The following TMEM132E variants were observed in gnomAD, a reference collection of about 807,000 sequenced individuals.
The protein encoded by TMEM132E is transmembrane protein 132E.
TMEM132E carries 49 observed loss-of-function variants against 78.5 expected under a neutral mutation model. That is an observed-to-expected ratio of 0.62 (90% confidence interval 0.50 to 0.79). The LOEUF is 0.79. Ranked by LOEUF, TMEM132E falls within the 30% of genes least tolerant of loss-of-function variation. TMEM132E has a pLI of 0.00. For synonymous variants in TMEM132E, 715 were observed against 670.6 expected (o/e 1.07, Z -1.02); for missense variants, 1,403 against 1,470.9 (o/e 0.95, Z 0.75).
intron 1 of TMEM132E, among the ~76,000 whole-genome samples, chr17:34,601,097 G>T (rs932660796): frequency 6.6e-6 from 1 of 152,198 alleles, no homozygotes; most frequent in South Asian, 2.1e-4. Context: ...ATCCCAGGGG[G>T]TGCAGTTTTC....
rs974581341 is a variant in TMEM132E at position 34,611,553 on chromosome 17, G to A, written c.68-14574G>A. Reference sequence around the variant, plus strand: ...TCAATATCGTGCCAAGAGAAACCAAGTATAATAAGGCGTAGGCTTGGAGGG... The same window carrying A: ...TCAATATCGTGCCAAGAGAAACCAAATATAATAAGGCGTAGGCTTGGAGGG... On this transcript the variant is annotated intron_variant, in intron 1 of 8. Transcript: ENST00000631683. Among the ~76,000 whole-genome samples the A allele has an allele frequency of 3.9e-5, 6 of 152,220 alleles. No homozygotes were observed. In the South Asian group the frequency reaches 8.3e-4, roughly 21 times the overall value.
At chr17:34,614,728 AAGCCCCTCTTGCCTTGGGACCCCTCC>A (rs1906720181) in intron 1 of TMEM132E, 1 of 152,384 alleles carries the variant, frequency 6.6e-6, no homozygotes, top group African/African-American at 2.4e-5. Context: ...TCCAAACTCC[AAGCCCCTCTTGCCTTGGGACCCCTCC>A]AGCCCAGGGA....
rs564430970 is a variant in TMEM132E, at chr17:34,626,458, G to C, written c.399G>C (p.Ser133=). 2 of 1,612,864 alleles carry C rather than the reference G, an allele frequency of 1.2e-6. No homozygotes were observed. Among genetic ancestry groups the C allele is most frequent in the African/African-American group, 2.7e-5 (2 of 74,924 alleles). Residue 133 remains serine, a synonymous_variant, in exon 2 of 9, where the codon TCG becomes TCC. Coordinates refer to ENST00000631683, the MANE Select transcript of TMEM132E (RefSeq NM_001304438.2). ...AGGTGCGGGCCTTCATCGTCCGCTC[G>C]CACGTGCCCGCCTCGCAGCCCGTGG... The part of the protein sequence containing the change: ...NWKVRAFIVR[S]HVPASQPVVQ...
intron 1 of TMEM132E, among the ~76,000 whole-genome samples, chr17:34,583,406 A>T (rs1905562077): frequency 6.6e-6 from 1 of 152,048 alleles, no homozygotes; most frequent in Admixed American, 6.5e-5. Flanking sequence ...AACTTGGGGG[A>T]TCCCCCAGAT....
Position 34,634,885 on chromosome 17 carries a change from A to G in TMEM132E, c.1775A>G (p.His592Arg). 2 of 1,614,146 alleles carry G rather than the reference A, an allele frequency of 1.2e-6. No individual in the cohort carries two copies. The highest frequency in any genetic ancestry group is 1.3e-5 in the African/African-American group (1 of 75,052). ...ASRGCTLQYQ[H>R]ATLQVFTQFH... ...CGTGGCTGCACCCTGCAGTACCAGC[A>G]TGCCACCCTGCAGGTCTTCACCCAG... Residue 592 changes from histidine (H) to arginine (R), a missense_variant, in exon 7 of 9, where the codon CAT becomes CGT. Coordinates refer to ENST00000631683, the MANE Select transcript of TMEM132E (RefSeq NM_001304438.2).
At chr17:34,633,043 C>T in intron 6 of TMEM132E, 134 bp downstream of exon 6, 1 of 936,038 alleles carries the variant, frequency 1.1e-6, no homozygotes, top group East Asian at 2.6e-5. Flanking sequence ...AGTCAACAAG[C>T]TTTCATTGAC....
Position 34,581,068 on chromosome 17 carries a change from G to A in TMEM132E, c.-9G>A. The A allele has an allele frequency of 1.3e-6, 2 of 1,546,216 alleles. No homozygotes were observed. The highest frequency in any genetic ancestry group is 1.4e-5 in the African/African-American group (1 of 71,258). Reference sequence around the variant, plus strand: ...GCTCTCTCGGACCCCTCCCGCCCCCGCCTCGGCCATGGCCCCGGGGATGTC... The same window carrying A: ...GCTCTCTCGGACCCCTCCCGCCCCCACCTCGGCCATGGCCCCGGGGATGTC... On this transcript the variant is annotated 5_prime_UTR_variant, in exon 1 of 9. Coordinates refer to ENST00000631683, the MANE Select transcript of TMEM132E (RefSeq NM_001304438.2).
chr17:34,636,055 G>A lies in TMEM132E; in HGVS notation c.2026G>A (p.Val676Met). 6.4e-7 allele frequency: 1 copy of A among 1,573,160 alleles called. No homozygotes were observed. The highest frequency in any genetic ancestry group is 8.6e-7 in the Non-Finnish European group (1 of 1,161,572). The change falls in exon 8 of 9, where the codon GTG becomes ATG. Residue 676 changes from valine (V) to methionine (M), a missense_variant. Physicochemically the swap from Val to Met is conservative, Grantham distance 21 (BLOSUM62 1). Transcript: ENST00000631683. The part of the protein sequence containing the change: ...EAVLGETLLT[V>M]TEEKVSITQL... Reference sequence around the variant, plus strand: ...TGTGCTCGGGGAGACGCTGCTGACGGTGACTGAGGAGAAGGTCAGCATCAC... The same window carrying A: ...TGTGCTCGGGGAGACGCTGCTGACGATGACTGAGGAGAAGGTCAGCATCAC...
In TMEM132E at chr17:34,626,279, CAGCGCTCCG is replaced by C; in HGVS notation, c.224_232del (p.Arg75_Glu77del). On this transcript the variant is annotated inframe_deletion, in exon 2 of 9. Transcript: ENST00000631683. ...ACCCGCGGTCGCCAACAGCTCTCTG[CAGCGCTCCG>C]AGCCCTTCGTGGTGTTCCAGACCAA... is the stretch of plus-strand genomic sequence containing the variant. The C allele has an allele frequency of 6.2e-7, 1 of 1,608,636 alleles. No homozygotes were observed. Among genetic ancestry groups the C allele is most frequent in the Non-Finnish European group, 8.5e-7 (1 of 1,177,876 alleles).
In TMEM132E at chr17:34,637,386, C is replaced by T; in HGVS notation, c.2379C>T (p.Cys793=). 5 of 1,613,936 alleles carry T rather than the reference C, an allele frequency of 3.1e-6. No individual in the cohort carries two copies. Among genetic ancestry groups the T allele is most frequent in the Non-Finnish European group, 4.2e-6 (5 of 1,180,036 alleles). ...CAGAGCTAACCATCGCTGAGAGCTG[C>T]CAGAAAACCAAACGCAAGAGTGTGC... The part of the protein sequence containing the change: ...LRAELTIAES[C]QKTKRKSVLA... Residue 793 remains cysteine, a synonymous_variant, in exon 9 of 9, where the codon TGC becomes TGT. Coordinates refer to ENST00000631683, the MANE Select transcript of TMEM132E (RefSeq NM_001304438.2).
rs145155342 is a variant in TMEM132E at position 34,623,169 on chromosome 17, G to T, written c.68-2958G>T. Among the ~76,000 whole-genome samples, 331 of 152,258 alleles carry T rather than the reference G, an allele frequency of 2.2e-3. 9 individuals are homozygous for T. In the East Asian group the frequency reaches 0.05, roughly 23 times the overall value. Reference sequence around the variant, plus strand: ...TTTGCCAGACCAGGTCCTCCCCCAGGGGGGGTGAGGGGATCCGGGTGGGGC... The same window carrying T: ...TTTGCCAGACCAGGTCCTCCCCCAGTGGGGGTGAGGGGATCCGGGTGGGGC... On this transcript the variant is annotated intron_variant, in intron 1 of 8. Transcript: ENST00000631683.
In TMEM132E at chr17:34,629,394, G is replaced by A. The variant is rs114099341; in HGVS notation, c.1338+190G>A. Among the ~76,000 whole-genome samples the A allele has an allele frequency of 5.2e-3, 795 of 152,300 alleles. 7 individuals are homozygous for A. Among genetic ancestry groups the A allele is most frequent in the African/African-American group, 0.018 (750 of 41,554 alleles). ...GTGTTTTATATTTGTCGGGCCATGA[G>A]GACAGCAGATGCTCAGGGGGGCAGA... is the stretch of plus-strand genomic sequence containing the variant. On this transcript the variant is annotated intron_variant, in intron 4 of 8. Coordinates refer to ENST00000631683, the MANE Select transcript of TMEM132E (RefSeq NM_001304438.2).
Position 34,580,171 on chromosome 17 carries a change from G to C in TMEM132E, c.-906G>C, listed in dbSNP as rs1163311303. 2 of 152,454 alleles carry C rather than the reference G, an allele frequency of 1.3e-5. No homozygotes were observed. The highest frequency in any genetic ancestry group is 4.8e-5 in the African/African-American group (2 of 41,470). The allele number at this position is 152,454 out of a possible 1,614,324, so 9.4% of individuals were successfully genotyped here. ...CGTTTATGGTCATCAAGCTGGAGTC[G>C]ACGTCCTGGGCAGGAAGGGCTCGGG... On this transcript the variant is annotated 5_prime_UTR_variant, in exon 1 of 9. Transcript: ENST00000631683.
rs1907163573 is a variant in TMEM132E, at chr17:34,626,910, C to A, written c.851C>A (p.Thr284Asn). 1.2e-6 allele frequency: 2 copies of A among 1,613,460 alleles called. No individual in the cohort carries two copies. The highest frequency in any genetic ancestry group is 1.3e-5 in the African/African-American group (1 of 74,940). ...ISLFRPPPRR[T>N]LQEHRLDSNL... ...CTGTTCCGCCCGCCCCCCAGGAGGACCCTGCAGGAGCACAGGCTGGACAGC... is the reference window on the plus strand; with the variant it reads ...CTGTTCCGCCCGCCCCCCAGGAGGAACCTGCAGGAGCACAGGCTGGACAGC... Residue 284 changes from threonine (T) to asparagine (N), a missense_variant, in exon 2 of 9, where the codon ACC becomes AAC. Physicochemically the swap from Thr to Asn is moderately conservative, Grantham distance 65 (BLOSUM62 0). This residue lies in a region of TMEM132E where 511 missense variants were observed against 499.0 expected (regional missense o/e 1.02). Coordinates refer to ENST00000631683, the MANE Select transcript of TMEM132E (RefSeq NM_001304438.2).
intron 1 of TMEM132E, among the ~76,000 whole-genome samples, chr17:34,616,853 C>G (rs905533223): frequency 2.6e-5 from 4 of 152,188 alleles, no homozygotes; most frequent in Admixed American, 2.6e-4. Flanking sequence ...GGGGACATGC[C>G]TGTGGGGACC....
chr17:34,599,794 T>C (rs982328376), intron 1 of TMEM132E, among the ~76,000 whole-genome samples: 2 of 152,200 alleles, frequency 1.3e-5, no homozygotes, highest in South Asian at 4.1e-4. Context: ...TCACTCACTG[T>C]CAGAGCAAGG....
At chr17:34,609,505 C>T (rs1467711219) in intron 1 of TMEM132E, among the ~76,000 whole-genome samples, 1 of 152,150 alleles carries the variant, frequency 6.6e-6, no homozygotes, top group African/African-American at 2.4e-5. Context: ...AACTTAATTA[C>T]AGCACTTGCC....
Position 34,626,178 on chromosome 17 carries a change from G to C in TMEM132E, c.119G>C (p.Ser40Thr), listed in dbSNP as rs1245210451. ...ASPSPPGPQA[S>T]PVLPVSYRLS... ...CCCAGCCCGCCGGGGCCGCAGGCCA[G>C]CCCGGTGCTGCCAGTCAGCTACCGC... is the stretch of plus-strand genomic sequence containing the variant. The change falls in exon 2 of 9, where the codon AGC becomes ACC. Residue 40 changes from serine (S) to threonine (T), a missense_variant. Coordinates refer to ENST00000631683, the MANE Select transcript of TMEM132E (RefSeq NM_001304438.2). 3 of 1,562,548 alleles carry C rather than the reference G, an allele frequency of 1.9e-6. No individual in the cohort carries two copies. The highest frequency in any genetic ancestry group is 2.6e-6 in the Non-Finnish European group (3 of 1,154,300).
At chr17:34,610,377 G>T (rs1247950673) in intron 1 of TMEM132E, among the ~76,000 whole-genome samples, 1 of 152,204 alleles carries the variant, frequency 6.6e-6, no homozygotes, top group Admixed American at 6.5e-5. Context: ...TAGGCAGTCA[G>T]GCTGCATGGT....
Sources: gnomAD v4.1 joint callset for allele counts (sites outside exome capture counted in the v4.1 genomes callset) on GRCh38, gnomAD v4.1.1 for gene constraint, gnomAD v4.1.1 regional missense constraint, MANE v1.5 for transcripts, NCBI Gene and HGNC (gene_info 2026-07-23, HGNC 2026-07-21) for gene names.